The following CDH18 variants were observed in gnomAD, a reference collection of about 807,000 sequenced individuals.
The protein encoded by CDH18 is cadherin-18.
A neutral mutation model predicts 67.9 loss-of-function variants in CDH18; 31 were observed. That is an observed-to-expected ratio of 0.46 (90% confidence interval 0.34 to 0.62). The LOEUF (loss-of-function observed/expected upper bound fraction) is 0.62, where lower values mean the gene tolerates loss of function less well. Ranked by LOEUF, CDH18 falls within the 20% of genes least tolerant of loss-of-function variation. CDH18 has a pLI of 0.01. For synonymous variants in CDH18, 362 were observed against 347.2 expected (o/e 1.04, Z -0.48); for missense variants, 890 against 975.5 (o/e 0.91, Z 1.17).
At chr5:20,277,840 C>T (rs1440300083) in intron 1 of CDH18, among the ~76,000 whole-genome samples, 1 of 151,972 alleles carries the variant, frequency 6.6e-6, no homozygotes, top group Non-Finnish European at 1.5e-5. Context: ...AAAAGTCAAG[C>T]AGAAATTCTG....
intron 10 of CDH18, among the ~76,000 whole-genome samples, chr5:19,511,936 G>A (rs1237350151): frequency 6.6e-6 from 1 of 152,150 alleles, no homozygotes; most frequent in Non-Finnish European, 1.5e-5. Context: ...TCCAGGGTAT[G>A]TCAGAGGTGT....
chr5:20,499,124 A>T (rs1754086298), intron 1 of CDH18, among the ~76,000 whole-genome samples: 4 of 152,118 alleles, frequency 2.6e-5, no homozygotes, highest in Admixed American at 2.0e-4. Flanking sequence ...TCTCACACAC[A>T]TACACACACA....
At chr5:19,909,781 T>C (rs1008512441) in intron 2 of CDH18, among the ~76,000 whole-genome samples, 27 of 152,196 alleles carry the variant, frequency 1.8e-4, no homozygotes, top group Admixed American at 1.8e-3. Flanking sequence ...CAGGAAATTA[T>C]ACTAATGACA....
chr5:19,830,102 A>C (rs763383379), intron 3 of CDH18, among the ~76,000 whole-genome samples: 2 of 152,162 alleles, frequency 1.3e-5, no homozygotes, highest in African/African-American at 2.4e-5. Flanking sequence ...AGATGACCTA[A>C]GAAATATCAT....
intron 4 of CDH18, among the ~76,000 whole-genome samples, chr5:19,725,478 T>G (rs1766714637): frequency 6.6e-6 from 1 of 152,290 alleles, no homozygotes; most frequent in East Asian, 1.9e-4. Context: ...CAATTAAAGC[T>G]TTCTTTGAAG....
In CDH18 at chr5:20,537,559, T is replaced by C. The variant is rs191842441; in HGVS notation, c.-580+37903A>G. On this transcript the variant is annotated intron_variant, in intron 1 of 14. Transcript: ENST00000507958. ...TTTTTAAAAGCCTAGAAATAAAAGG[T>C]GAGGGCAATAGAAGACTCACAGCTG... Among the ~76,000 whole-genome samples the C allele has an allele frequency of 1.4e-4, 22 of 152,030 alleles. No individual in the cohort carries two copies. In the East Asian group the frequency reaches 4.3e-3, roughly 30 times the overall value.
At chr5:20,212,720 T>A (rs964690223) in intron 2 of CDH18, among the ~76,000 whole-genome samples, 13 of 152,152 alleles carry the variant, frequency 8.5e-5, no homozygotes, top group African/African-American at 1.4e-4. Flanking sequence ...AAAACATATC[T>A]TAAATTTTAA....
At chr5:19,728,420 CA>C (rs1767143031) in intron 4 of CDH18, among the ~76,000 whole-genome samples, 3 of 152,130 alleles carry the variant, frequency 2.0e-5, no homozygotes, top group Admixed American at 1.3e-4. Flanking sequence ...ATGTTTTATA[CA>C]AATCTGAGAA....
intron 2 of CDH18, among the ~76,000 whole-genome samples, chr5:19,933,394 C>A (rs1443516304): frequency 1.3e-5 from 2 of 151,532 alleles, no homozygotes; most frequent in African/African-American, 2.4e-5. Flanking sequence ...CCATCAATTG[C>A]ACCCCTTTCC....
At chr5:19,871,215 G>A (rs1477548602) in intron 2 of CDH18, among the ~76,000 whole-genome samples, 9 of 152,030 alleles carry the variant, frequency 5.9e-5, no homozygotes, top group Non-Finnish European at 1.0e-4. Context: ...TAGAATGACA[G>A]CATCCTTTTT....
intron 2 of CDH18, among the ~76,000 whole-genome samples, chr5:19,913,131 T>G (rs571115108): frequency 6.6e-6 from 1 of 152,154 alleles, no homozygotes; most frequent in Non-Finnish European, 1.5e-5. Flanking sequence ...ATCTTGAGTG[T>G]GTACACTAGA....
chr5:20,229,085 C>T (rs1741864413), intron 2 of CDH18, among the ~76,000 whole-genome samples: 3 of 151,848 alleles, frequency 2.0e-5, no homozygotes, highest in South Asian at 2.1e-4. Flanking sequence ...ATTTTCTATG[C>T]CATATGAGGA....
At chr5:19,901,364 A>G (rs1385428005) in intron 2 of CDH18, among the ~76,000 whole-genome samples, 1 of 152,062 alleles carries the variant, frequency 6.6e-6, no homozygotes, top group Non-Finnish European at 1.5e-5. Flanking sequence ...TTGCATGACT[A>G]GTTTTCTTGT....
intron 11 of CDH18, among the ~76,000 whole-genome samples, chr5:19,485,423 T>G (rs542000342): frequency 3.4e-4 from 51 of 152,098 alleles, no homozygotes; most frequent in Admixed American, 1.8e-3. Context: ...GCCTGGCTAA[T>G]TTTTTGTATT....
chr5:20,460,321 G>C (rs1009033486), intron 1 of CDH18, among the ~76,000 whole-genome samples: 1 of 151,986 alleles, frequency 6.6e-6, no homozygotes, highest in African/African-American at 2.4e-5. Flanking sequence ...AAACCCAGGA[G>C]GTGGAGGTTG....
At chr5:19,757,669 C>A (rs1348902185) in intron 3 of CDH18, among the ~76,000 whole-genome samples, 1 of 152,210 alleles carries the variant, frequency 6.6e-6, no homozygotes, top group Non-Finnish European at 1.5e-5. Flanking sequence ...TTTTTGACCA[C>A]TCAGAGAGGT....
intron 2 of CDH18, among the ~76,000 whole-genome samples, chr5:20,202,822 T>A (rs1485144424): frequency 6.6e-6 from 1 of 152,076 alleles, no homozygotes; most frequent in Non-Finnish European, 1.5e-5. Context: ...GCAAAACACA[T>A]ACCTATATTA....
intron 2 of CDH18, among the ~76,000 whole-genome samples, chr5:20,247,483 C>T (rs1451808726): frequency 2.6e-5 from 4 of 151,986 alleles, no homozygotes; most frequent in Non-Finnish European, 4.4e-5. Context: ...GAATGAAAGA[C>T]GGGCTGGGCA....
chr5:19,843,151 G>A (rs1206950676), intron 2 of CDH18, among the ~76,000 whole-genome samples: 3 of 152,174 alleles, frequency 2.0e-5, no homozygotes, highest in African/African-American at 7.2e-5. Context: ...TGGAGAAAAT[G>A]TCTCCAGGGC....
Sources: gnomAD v4.1 joint callset for allele counts (sites outside exome capture counted in the v4.1 genomes callset) on GRCh38, gnomAD v4.1.1 for gene constraint, MANE v1.5 for transcripts, NCBI Gene and HGNC (gene_info 2026-07-23, HGNC 2026-07-21) for gene names.